The following MED12 variants were observed in gnomAD, a reference collection of about 807,000 sequenced individuals.
The protein encoded by MED12 is mediator complex subunit 12.
In MED12, 10 loss-of-function variants were observed where a neutral mutation model predicts 177.7. The ratio of observed to expected loss-of-function variants is 0.06; its 90% CI spans 0.03 to 0.10. The LOEUF (loss-of-function observed/expected upper bound fraction) is 0.10. MED12 is among the 10% of genes least tolerant of loss of function. MED12 has a pLI of 1.00. For missense variants in MED12, 867 were observed against 1,780.8 expected, an observed-to-expected ratio of 0.49 and a Z score of 9.23; for synonymous variants, 641 against 678.4, an observed-to-expected ratio of 0.94 and a Z score of 0.86.
In MED12 at chrX:71,118,790, G is replaced by A; in HGVS notation, c.36G>A (p.Arg12=). 1 of 1,209,492 alleles carries A rather than the reference G, an allele frequency of 8.3e-7. No homozygotes were observed. Among genetic ancestry groups the A allele is most frequent in the Non-Finnish European group, 1.1e-6 (1 of 894,925 alleles). The change falls in exon 1 of 45, where the codon CGG becomes CGA. Residue 12 remains arginine (R), a synonymous_variant. Transcript: ENST00000374080. ...TCGGGATCTTGAGCTACGAACACCG[G>A]CCCCTGAAGCGGCCGCGGCTGGGGC... ...AAFGILSYEH[R]PLKRPRLGPP...
intron 7 of MED12, 28 bp downstream of exon 7, chrX:71,121,844 A>G: frequency 8.3e-7 from 1 of 1,211,583 alleles, no homozygotes; most frequent in Non-Finnish European, 1.1e-6. Context: ...CCAAGGAAGC[A>G]TTGAGAGATA....
chrX:71,122,394 A>G (rs760399480), intron 8 of MED12, 48 bp downstream of exon 8: 29 of 1,203,801 alleles, frequency 2.4e-5, no homozygotes, highest in Admixed American at 4.3e-5. Flanking sequence ...CTATGAGGCT[A>G]AATTACTCTT....
intron 3 of MED12, 68 bp from the exon 4 acceptor site, chrX:71,119,946 A>G: frequency 2.5e-6 from 3 of 1,205,903 alleles, no homozygotes; most frequent in South Asian, 1.8e-5. Flanking sequence ...TCCTATTCCC[A>G]TATTAAGCTA....
intron 1 of MED12, 44 bp from the exon 2 acceptor site, chrX:71,119,329 T>G: frequency 6.0e-6 from 6 of 995,863 alleles, no homozygotes; most frequent in Non-Finnish European, 8.4e-6. Context: ...CCCTTCCCCC[T>G]TCCCCTAAGG....
At chrX:71,135,396 T>C (rs755028660) in intron 36 of MED12, 143 bp downstream of exon 36, 24 of 666,603 alleles carry the variant, frequency 3.6e-5, no homozygotes, top group African/African-American at 2.9e-4. Flanking sequence ...CTCTGGGGTT[T>C]TGAGCAAATC....
chrX:71,129,878 A>G, intron 27 of MED12, 23 bp downstream of exon 27: 1 of 1,207,527 alleles, frequency 8.3e-7, no homozygotes, highest in Non-Finnish European at 1.1e-6. Flanking sequence ...TTCCTCCCAC[A>G]CCTCCTAAAT....
chrX:71,119,968 G>C (rs1333583664), intron 3 of MED12, 46 bp from the exon 4 acceptor site: 1 of 1,208,129 alleles, frequency 8.3e-7, no homozygotes, highest in Non-Finnish European at 1.1e-6. Context: ...ATGGGTGTCA[G>C]CTCATGGGGA....
At position 71,128,738 on chromosome X, in the gene MED12, C is replaced by T. The variant is rs749587994; in HGVS notation, c.3475+20C>T. ...ATGCTGGTGAACTACCAATCTGTAA[C>T]CCCTAGCATTTCTAGACCTCAAATT... On this transcript the variant is annotated intron_variant, in intron 24 of 44. Transcript: ENST00000374080. 2 of 1,204,164 alleles carry T rather than the reference C, an allele frequency of 1.7e-6. No homozygotes were observed. Among genetic ancestry groups the T allele is most frequent in the Non-Finnish European group, 2.2e-6 (2 of 893,582 alleles).
intron 41 of MED12, among the ~76,000 whole-genome samples, chrX:71,140,332 T>C (rs1569482622): frequency 1.8e-5 from 2 of 110,341 alleles, no homozygotes; most frequent in East Asian, 5.7e-4. Context: ...TCCACCCACC[T>C]TAGCCTCCCA....
intron 13 of MED12, 29 bp downstream of exon 13, chrX:71,124,417 G>A (rs1383627532): frequency 5.5e-6 from 6 of 1,091,658 alleles, no homozygotes; most frequent in Middle Eastern, 2.4e-4. Context: ...GCACTAGATC[G>A]TTTCTTCTGA....
In MED12 at chrX:71,124,806, A is replaced by G. The variant is rs753140335; in HGVS notation, c.2017A>G (p.Ser673Gly). The change falls in exon 14 of 45, where the codon AGT (serine) becomes GGT (glycine). Residue 673 changes from serine to glycine, a missense_variant. Physicochemically the swap from Ser to Gly is moderately conservative, Grantham distance 56 (BLOSUM62 0). This residue lies in a region of MED12 where 309 missense variants were observed against 556.3 expected (regional missense o/e 0.56). Transcript: ENST00000374080. Reference protein sequence around the residue: ...SESMDIDPSSSVLFEDMEKPD... With the variant: ...SESMDIDPSSGVLFEDMEKPD... ...ATCTATGGACATTGACCCTAGTTCC[A>G]GTGTTCTCTTTGAGGACATGGAGAA... 3 of 1,208,357 alleles carry G rather than the reference A, an allele frequency of 2.5e-6. No individual in the cohort carries two copies. Among genetic ancestry groups the G allele is most frequent in the East Asian group, 5.9e-5 (2 of 33,745 alleles).
rs779068766 is a variant in MED12 at position 71,137,287 on chromosome X, C to T, written c.5652C>T (p.Gly1884=). The T allele has an allele frequency of 5.0e-6, 6 of 1,209,005 alleles. No individual in the cohort carries two copies. The highest frequency in any genetic ancestry group is 3.5e-5 in the African/African-American group (2 of 57,123). The part of the protein sequence containing the change: ...YPGVLPTTMT[G]VMGLEPSSYK... ...GAGTGCTGCCCACAACCATGACTGG[C>T]GTCATGGGTTTAGAACCCTCCTCTT... The change falls in exon 39 of 45, where the codon GGC becomes GGT. Residue 1884 remains glycine (G), a synonymous_variant. Transcript: ENST00000374080.
At chrX:71,123,479 A>G in intron 11 of MED12, 115 bp from the exon 12 acceptor site, 1 of 932,834 alleles carries the variant, frequency 1.1e-6, no homozygotes, top group Non-Finnish European at 1.5e-6. Context: ...CAGCAGGGGA[A>G]TGAAAGTGAA....
chrX:71,127,616 C>A, intron 21 of MED12, 149 bp downstream of exon 21: 1 of 534,503 alleles, frequency 1.9e-6, no homozygotes, highest in Non-Finnish European at 3.1e-6. Context: ...GTTGTGTTAC[C>A]AAGAGTGGGC....
chrX:71,137,916 A>G lies in MED12; in HGVS notation c.6017A>G (p.Tyr2006Cys). 1 of 1,211,434 alleles carries G rather than the reference A, an allele frequency of 8.3e-7. No individual in the cohort carries two copies. Among genetic ancestry groups the G allele is most frequent in the Non-Finnish European group, 1.1e-6 (1 of 895,298 alleles). Residue 2006 changes from tyrosine (Y) to cysteine (C), a missense_variant, in exon 41 of 45, where the codon TAT (tyrosine) becomes TGT (cysteine). Physicochemically the swap from Tyr to Cys is radical, Grantham distance 194. Around this residue, in one of 14 missense-constraint regions of MED12, gnomAD observed 236 missense variants for 345.2 expected, o/e 0.68. Coordinates refer to ENST00000374080, the MANE Select transcript of MED12 (RefSeq NM_005120.3). ...SGYVHQQAPT[Y>C]GHGLTSTQRF... Reference sequence around the variant, plus strand: ...TATGTGCACCAGCAGGCCCCCACCTATGGACATGGACTGACCTCCACTCAA... The same window carrying G: ...TATGTGCACCAGCAGGCCCCCACCTGTGGACATGGACTGACCTCCACTCAA...
intron 38 of MED12, 51 bp from the exon 39 acceptor site, chrX:71,137,136 C>A: frequency 8.3e-7 from 1 of 1,198,247 alleles, no homozygotes. Flanking sequence ...GGACACTGAG[C>A]AAGAGACAGA....
At chrX:71,125,281 G>T (rs2092300024) in intron 15 of MED12, 70 bp from the exon 16 acceptor site, 1 of 1,200,142 alleles carries the variant, frequency 8.3e-7, no homozygotes. Flanking sequence ...ATGCTGAGGG[G>T]TGTGGAGCAT....
chrX:71,141,241 ACAGCAACAGCAGCAGCAGCAGCAG>A lies in MED12; in HGVS notation c.6291_6314del (p.Gln2108_Gln2115del). 1 of 1,162,820 alleles carries A rather than the reference ACAGCAACAGCAGCAGCAGCAGCAG, an allele frequency of 8.6e-7. No individual in the cohort carries two copies. ...TTGTGTTCTTATAGCAGCAGCAGCA[ACAGCAACAGCAGCAGCAGCAGCAG>A]CAGCAACAGCAACAGCAGCAGCAGC... On this transcript the variant is annotated inframe_deletion, in exon 43 of 45. Coordinates refer to ENST00000374080, the MANE Select transcript of MED12 (RefSeq NM_005120.3).
At chrX:71,125,979 C>T in intron 17 of MED12, 57 bp from the exon 18 acceptor site, 1 of 846,948 alleles carries the variant, frequency 1.2e-6, no homozygotes, top group South Asian at 2.0e-5. Flanking sequence ...ACTCCCCACC[C>T]CTAGTCAACT....
Sources: gnomAD v4.1 joint callset for allele counts (sites outside exome capture counted in the v4.1 genomes callset) on GRCh38, gnomAD v4.1.1 for gene constraint, gnomAD v4.1.1 regional missense constraint, MANE v1.5 for transcripts, NCBI Gene and HGNC (gene_info 2026-07-23, HGNC 2026-07-21) for gene names.